EEFSEC: variants seen among roughly 807,000 people sequenced by gnomAD.
EEFSEC encodes the protein selenocysteine-specific elongation factor.
EEFSEC carries 43 observed loss-of-function variants against 42.1 expected under a neutral mutation model. The ratio of observed to expected loss-of-function variants is 1.02; its 90% CI spans 0.80 to 1.32. The LOEUF is 1.32. Ranked by LOEUF, EEFSEC falls within the 40% of genes most tolerant of loss-of-function variation. The probability of loss-of-function intolerance (pLI) is 0.00; values close to 1 mark genes in which losing one functional copy is unlikely to be tolerated. For synonymous variants in EEFSEC, 354 were observed against 339.1 expected, an observed-to-expected ratio of 1.04 and a Z score of -0.48; for missense variants, 745 against 803.6, an observed-to-expected ratio of 0.93 and a Z score of 0.88.
intron 6 of EEFSEC, among the ~76,000 whole-genome samples, chr3:128,383,339 C>T (rs1403795382): frequency 6.6e-6 from 1 of 152,218 alleles, no homozygotes; most frequent in East Asian, 1.9e-4. Context: ...AAGGTATGCT[C>T]AGTGAATGGG....
chr3:128,262,241 TC>T lies in EEFSEC; in HGVS notation c.621+19del. The T allele has an allele frequency of 1.2e-6, 2 of 1,613,156 alleles. No individual in the cohort carries two copies. The highest frequency in any genetic ancestry group is 1.7e-6 in the Non-Finnish European group (2 of 1,179,156). On this transcript the variant is annotated intron_variant, in intron 3 of 6. Coordinates refer to ENST00000254730, the MANE Select transcript of EEFSEC (RefSeq NM_021937.5). Reference sequence around the variant, plus strand: ...CTCATTGAGGTACTGTCATCTTGAATCCAGGTTGCCCTTTAGCCCCAGCGCT... The same window carrying T: ...CTCATTGAGGTACTGTCATCTTGAATCAGGTTGCCCTTTAGCCCCAGCGCT...
intron 4 of EEFSEC, among the ~76,000 whole-genome samples, chr3:128,290,911 T>TTTTTTA (rs1406769027): frequency 1.3e-5 from 2 of 152,020 alleles, no homozygotes; most frequent in Middle Eastern, 6.8e-3. Flanking sequence ...TACCTGGCTT[T>TTTTTTA]TTTTTATTTT....
At chr3:128,425,090 T>C in the EEFSEC span, among the ~76,000 whole-genome samples, 1 of 152,218 alleles carries the variant, frequency 6.6e-6, no homozygotes, top group East Asian at 1.9e-4. Context: ...TGTAGCTCTG[T>C]GCGTTTTGAA....
At chr3:128,254,758 C>G (rs528805831) in intron 2 of EEFSEC, among the ~76,000 whole-genome samples, 3 of 152,102 alleles carry the variant, frequency 2.0e-5, no homozygotes, top group Non-Finnish European at 4.4e-5. Flanking sequence ...CATCCCAGGA[C>G]AGTCACAGAG....
At chr3:128,393,080 T>C (rs1053789159) in intron 6 of EEFSEC, among the ~76,000 whole-genome samples, 56 of 152,386 alleles carry the variant, frequency 3.7e-4, no homozygotes, top group African/African-American at 1.3e-3. Flanking sequence ...CCCAGGCACC[T>C]GGCCTTTAAG....
intron 4 of EEFSEC, among the ~76,000 whole-genome samples, chr3:128,287,976 A>C (rs2066604631): frequency 7.0e-6 from 1 of 143,414 alleles, no homozygotes; most frequent in Non-Finnish European, 1.5e-5. Context: ...CCCCCAAAAA[A>C]CTCTGTCTTT....
intron 1 of EEFSEC, among the ~76,000 whole-genome samples, chr3:128,225,182 G>A (rs1457087304): frequency 2.0e-5 from 3 of 152,154 alleles, no homozygotes; most frequent in Admixed American, 6.5e-5. Context: ...TCCAGCCCCA[G>A]CCCTAGGTCA....
intron 4 of EEFSEC, among the ~76,000 whole-genome samples, chr3:128,308,317 G>GCT (rs965693499): frequency 3.9e-5 from 6 of 152,258 alleles, no homozygotes; most frequent in Admixed American, 1.3e-4. Context: ...CTTGGTGCCA[G>GCT]CTTAGTGTGT....
intron 1 of EEFSEC, among the ~76,000 whole-genome samples, chr3:128,220,987 T>C (rs1326732534): frequency 6.6e-6 from 1 of 152,256 alleles, no homozygotes; most frequent in African/African-American, 2.4e-5. Context: ...GAATTCTCGT[T>C]ACTCTCAGTA....
At chr3:128,337,638 G>A (rs1176644020) in intron 4 of EEFSEC, among the ~76,000 whole-genome samples, 1 of 152,204 alleles carries the variant, frequency 6.6e-6, no homozygotes, top group Non-Finnish European at 1.5e-5. Context: ...AGAGCGGCTG[G>A]GCGTTTATCT....
chr3:128,358,159 AG>A, intron 5 of EEFSEC, 57 bp from the exon 6 acceptor site: 1 of 1,583,924 alleles, frequency 6.3e-7, no homozygotes, highest in Non-Finnish European at 8.6e-7. Flanking sequence ...ACACAGTCAC[AG>A]CTCTTTCAGT....
the EEFSEC span, among the ~76,000 whole-genome samples, chr3:128,420,001 A>G: frequency 2.6e-5 from 4 of 152,302 alleles, no homozygotes; most frequent in Non-Finnish European, 4.4e-5. Flanking sequence ...AAGGGAGAGC[A>G]ACAGAAACAC....
chr3:128,206,965 C>A (rs1336607054), intron 1 of EEFSEC, among the ~76,000 whole-genome samples: 3 of 152,144 alleles, frequency 2.0e-5, no homozygotes, highest in Non-Finnish European at 4.4e-5. Context: ...TCTCCAGACC[C>A]AGACTGGCCC....
chr3:128,382,461 G>C (rs1448478012), intron 6 of EEFSEC, among the ~76,000 whole-genome samples: 1 of 152,224 alleles, frequency 6.6e-6, no homozygotes, highest in Non-Finnish European at 1.5e-5. Flanking sequence ...GTATGTGTGT[G>C]CGTGCTCACG....
At chr3:128,407,311 G>A (rs2068127722) in intron 6 of EEFSEC, among the ~76,000 whole-genome samples, 1 of 152,220 alleles carries the variant, frequency 6.6e-6, no homozygotes, top group Non-Finnish European at 1.5e-5. Flanking sequence ...TGGGGGCGGG[G>A]CTGCGTATAC....
chr3:128,290,285 T>G (rs906053509), intron 4 of EEFSEC, among the ~76,000 whole-genome samples: 4 of 149,900 alleles, frequency 2.7e-5, no homozygotes, highest in Non-Finnish European at 4.5e-5. Context: ...GGATTGAAGG[T>G]TTTTTTTTTC....
At chr3:128,305,717 A>G (rs576547514) in intron 4 of EEFSEC, among the ~76,000 whole-genome samples, 1 of 152,226 alleles carries the variant, frequency 6.6e-6, no homozygotes, top group African/African-American at 2.4e-5. Context: ...TTTGGGCTTT[A>G]CTGGTTTTTA....
intron 3 of EEFSEC, 58 bp downstream of exon 3, chr3:128,262,282 C>G (rs1291626060): frequency 6.8e-7 from 1 of 1,468,090 alleles, no homozygotes; most frequent in African/African-American, 1.4e-5. Context: ...AGGCCAGCCC[C>G]TTTGTGTCCC....
intron 2 of EEFSEC, among the ~76,000 whole-genome samples, chr3:128,258,639 G>A (rs1337361381): frequency 6.6e-6 from 1 of 152,092 alleles, no homozygotes; most frequent in Admixed American, 6.6e-5. Flanking sequence ...ACCTTAGAGG[G>A]TTGTTAAGAA....
Sources: allele counts gnomAD v4.1 joint callset (sites outside exome capture counted in the v4.1 genomes callset), GRCh38; gene constraint gnomAD v4.1.1; transcripts MANE v1.5; gene names NCBI Gene and HGNC (gene_info 2026-07-23, HGNC 2026-07-21).